Variants in DIP2C observed in about 807,000 individuals in gnomAD.
DIP2C encodes disco-interacting protein 2 homolog C.
In DIP2C, 33 loss-of-function variants were observed where a neutral mutation model predicts 192.4. That is an observed-to-expected ratio of 0.17 (90% confidence interval 0.13 to 0.23). The LOEUF (loss-of-function observed/expected upper bound fraction) is 0.23. Ranked by LOEUF, DIP2C falls within the 10% of genes least tolerant of loss-of-function variation. The pLI, the probability that DIP2C is intolerant of heterozygous loss-of-function variation, is 1.00. For missense variants in DIP2C, 1,537 were observed against 2,110.1 expected, an observed-to-expected ratio of 0.73 and a Z score of 5.32; for synonymous variants, 979 against 864.1, an observed-to-expected ratio of 1.13 and a Z score of -2.33.
At chr10:508,141 T>C (rs1175184554) in intron 1 of DIP2C, among the ~76,000 whole-genome samples, 1 of 152,090 alleles carries the variant, frequency 6.6e-6, no homozygotes, top group Non-Finnish European at 1.5e-5. Context: ...ACAGAGGAGC[T>C]CGTGCAGCCA....
At chr10:333,613 G>T (rs1957601709) in intron 29 of DIP2C, among the ~76,000 whole-genome samples, 5 of 152,220 alleles carry the variant, frequency 3.3e-5, no homozygotes, top group Admixed American at 2.6e-4. Flanking sequence ...CCAAGTCTCT[G>T]AGTGGATGTT....
chr10:414,739 G>GTGTGTGTGTA lies in DIP2C; in HGVS notation c.860-630_860-629insTACACACACA. Among the ~76,000 whole-genome samples, 26 of 90,526 alleles carry GTGTGTGTGTA rather than the reference G, an allele frequency of 2.9e-4. 2 individuals carry two copies. Among genetic ancestry groups the GTGTGTGTGTA allele is most frequent in the African/African-American group, 6.7e-4 (15 of 22,226 alleles). The allele number at this position is 90,526 out of a possible 152,430, so 59.4% of individuals were successfully genotyped here. On this transcript the variant is annotated intron_variant, in intron 7 of 36. Transcript: ENST00000280886. ...TGTGTGTGTGTGTGTGTGTGTGTGT[G>GTGTGTGTGTA]TACATATATATATATATAATGTGTA...
At chr10:502,424 C>G (rs1245985918) in intron 1 of DIP2C, among the ~76,000 whole-genome samples, 2 of 152,110 alleles carry the variant, frequency 1.3e-5, no homozygotes, top group African/African-American at 4.8e-5. Context: ...GGGAAGTAAG[C>G]TCATAGGACG....
At chr10:416,362 C>A (rs181788571) in intron 6 of DIP2C, among the ~76,000 whole-genome samples, 10 of 152,184 alleles carry the variant, frequency 6.6e-5, no homozygotes, top group Admixed American at 1.3e-4. Flanking sequence ...ACGAGAACAT[C>A]GGGCCGCTGA....
Position 419,315 on chromosome 10 carries a change from G to A in DIP2C, c.605-116C>T. 6 of 1,475,692 alleles carry A rather than the reference G, an allele frequency of 4.1e-6. No homozygotes were observed. The South Asian group carries it at 6.2e-5, about 15-fold the overall frequency. The allele number at this position is 1,475,692 out of a possible 1,614,324, so 91.4% of individuals were successfully genotyped here. ...CAGGTGCTCACCCTGGGTGTGCCAT[G>A]GAAAGCCAGAGCCGATCTCAGCCGC... is the stretch of plus-strand genomic sequence containing the variant. On this transcript the variant is annotated intron_variant, in intron 5 of 36. Transcript: ENST00000280886.
At chr10:320,590 G>C (rs1956962469) in intron 31 of DIP2C, among the ~76,000 whole-genome samples, 1 of 152,064 alleles carries the variant, frequency 6.6e-6, no homozygotes, top group Non-Finnish European at 1.5e-5. Context: ...ATGTGAGATG[G>C]CACTGGACAC....
At chr10:673,134 G>A (rs1389303107) in intron 1 of DIP2C, among the ~76,000 whole-genome samples, 2 of 152,168 alleles carry the variant, frequency 1.3e-5, no homozygotes, top group Non-Finnish European at 2.9e-5. Context: ...CCACCCCAGA[G>A]CACCCAGGAT....
intron 22 of DIP2C, among the ~76,000 whole-genome samples, chr10:361,704 G>A (rs1159725381): frequency 6.6e-6 from 1 of 152,170 alleles, no homozygotes; most frequent in Non-Finnish European, 1.5e-5. Context: ...TCATACTACA[G>A]AAACAGCCTG....
chr10:542,792 A>T (rs892000043), intron 1 of DIP2C, among the ~76,000 whole-genome samples: 3 of 150,834 alleles, frequency 2.0e-5, no homozygotes, highest in Non-Finnish European at 4.4e-5. Context: ...AGGTCACCAG[A>T]TCCCAGTTCT....
chr10:508,968 G>T (rs183721375), intron 1 of DIP2C, among the ~76,000 whole-genome samples: 1 of 152,152 alleles, frequency 6.6e-6, no homozygotes, highest in South Asian at 2.1e-4. Flanking sequence ...CTCATCCTGG[G>T]CACCCCTTCA....
At chr10:560,204 C>G (rs868298234) in intron 1 of DIP2C, among the ~76,000 whole-genome samples, 1 of 152,112 alleles carries the variant, frequency 6.6e-6, no homozygotes, top group Admixed American at 6.5e-5. Context: ...CAGCAGAGAG[C>G]AGTCCTCGGG....
intron 1 of DIP2C, among the ~76,000 whole-genome samples, chr10:600,523 C>CAGCCCCGTCCACCTTA (rs1851995716): frequency 2.0e-5 from 2 of 102,512 alleles, no homozygotes; most frequent in African/African-American, 1.3e-4. Flanking sequence ...AGCGACCCCA[C>CAGCCCCGTCCACCTTA]AAGCCCTGTC....
At chr10:369,775 G>A (rs1401997335) in intron 17 of DIP2C, 142 bp from the exon 18 acceptor site, 2 of 1,437,594 alleles carry the variant, frequency 1.4e-6, no homozygotes, top group African/African-American at 2.8e-5. Context: ...CTGCCCATGT[G>A]GCTGCATTAG....
chr10:586,434 C>T lies in DIP2C; in HGVS notation c.86-99904G>A, dbSNP rs143252315. On this transcript the variant is annotated intron_variant, in intron 1 of 36. Transcript: ENST00000280886. ...GGACCACCAACCTCACGCCACCACCCCTCACTACTTCACTAACCTACGTCA... is the reference window on the plus strand; with the variant it reads ...GGACCACCAACCTCACGCCACCACCTCTCACTACTTCACTAACCTACGTCA... Among the ~76,000 whole-genome samples, 14 of 152,240 alleles carry T rather than the reference C, an allele frequency of 9.2e-5. No homozygotes were observed. In the East Asian group the frequency reaches 2.7e-3, roughly 29 times the overall value.
intron 1 of DIP2C, among the ~76,000 whole-genome samples, chr10:487,128 G>A (rs927727829): frequency 4.6e-5 from 7 of 152,312 alleles, no homozygotes; most frequent in Non-Finnish European, 7.3e-5. Context: ...AGACAGCCAC[G>A]GACGCGCAGC....
chr10:687,005 G>A (rs1432138837), intron 1 of DIP2C, among the ~76,000 whole-genome samples: 2 of 152,234 alleles, frequency 1.3e-5, no homozygotes, highest in African/African-American at 4.8e-5. Flanking sequence ...ATGAGCACTG[G>A]AAATTCCACA....
intron 1 of DIP2C, among the ~76,000 whole-genome samples, chr10:539,539 AC>A (rs1446700417): frequency 6.6e-6 from 1 of 152,092 alleles, no homozygotes; most frequent in African/African-American, 2.4e-5. Flanking sequence ...CCTGCAACCC[AC>A]CCCCATGGGC....
intron 1 of DIP2C, among the ~76,000 whole-genome samples, chr10:585,936 T>C (rs2131612739): frequency 6.6e-6 from 1 of 152,322 alleles, no homozygotes; most frequent in Non-Finnish European, 1.5e-5. Context: ...GCAGCAAATA[T>C]ATCCAACTGC....
At chr10:485,901 C>G (rs1843982098) in intron 2 of DIP2C, among the ~76,000 whole-genome samples, 1 of 152,188 alleles carries the variant, frequency 6.6e-6, no homozygotes, top group African/African-American at 2.4e-5. Flanking sequence ...ATTCTTTTTC[C>G]TGACATTTAC....
Sources: allele counts gnomAD v4.1 joint callset (sites outside exome capture counted in the v4.1 genomes callset), GRCh38; gene constraint gnomAD v4.1.1; transcripts MANE v1.5; gene names NCBI Gene and HGNC (gene_info 2026-07-23, HGNC 2026-07-21).